Variants in WASF2 observed in about 807,000 individuals in gnomAD.
WASF2 encodes WASP family member 2.
In WASF2, 14 loss-of-function variants were observed where a neutral mutation model predicts 45.0. The ratio of observed to expected loss-of-function variants is 0.31; its 90% CI spans 0.21 to 0.49. WASF2 has a LOEUF of 0.49. Among genes scored for constraint, WASF2 ranks in the 20% least tolerant of loss-of-function variants. WASF2 has a pLI of 0.99. For synonymous variants in WASF2, 200 were observed against 236.3 expected (o/e 0.85, Z 1.41); for missense variants, 439 against 636.1 (o/e 0.69, Z 3.33).
chr1:27,467,644 G>A (rs1361284275), intron 1 of WASF2, among the ~76,000 whole-genome samples: 1 of 150,862 alleles, frequency 6.6e-6, no homozygotes, highest in Non-Finnish European at 1.5e-5. Flanking sequence ...GGGGCGCAGT[G>A]GCTCACACGT....
At chr1:27,486,968 A>G (rs1019918032) in intron 1 of WASF2, among the ~76,000 whole-genome samples, 3 of 147,954 alleles carry the variant, frequency 2.0e-5, no homozygotes, top group African/African-American at 7.4e-5. Context: ...TAGATGATAT[A>G]TATTATATAT....
At chr1:27,425,956 G>A (rs1172487232) in intron 2 of WASF2, among the ~76,000 whole-genome samples, 2 of 151,942 alleles carry the variant, frequency 1.3e-5, no homozygotes, top group Non-Finnish European at 2.9e-5. Flanking sequence ...AGGCTGCAGG[G>A]AGGGACCCGA....
intron 1 of WASF2, among the ~76,000 whole-genome samples, chr1:27,465,201 T>A (rs369870333): frequency 6.6e-6 from 1 of 152,144 alleles, no homozygotes; most frequent in African/African-American, 2.4e-5. Context: ...ACTCCACACA[T>A]GAAAGTTGAG....
chr1:27,410,210 A>C lies in WASF2; in HGVS notation c.825-4T>G, dbSNP rs183313893. On this transcript the variant is annotated splice_polypyrimidine_tract_variant and splice_region_variant and intron_variant, in intron 7 of 8. Coordinates refer to ENST00000618852, the MANE Select transcript of WASF2 (RefSeq NM_006990.5). The surrounding 1 kb of genome is among the most constrained non-coding windows in gnomAD (Gnocchi z 4.2). The stretch of plus-strand genomic sequence containing the variant: ...TCTTTGGTTGTCCACTGGGTAACTA[A>C]AAGGCCAAAGAAAAAAAGACTCACC... 8.7e-6 allele frequency: 14 copies of C among 1,614,060 alleles called. No homozygotes were observed. The highest frequency in any genetic ancestry group is 2.5e-6 in the Non-Finnish European group (3 of 1,179,978).
chr1:27,429,159 C>T (rs2474293), intron 1 of WASF2, among the ~76,000 whole-genome samples: 1 of 146,474 alleles, frequency 6.8e-6, no homozygotes. Flanking sequence ...TTTAGAAATT[C>T]TGGACTTGGT....
At chr1:27,424,410 G>A (rs143436297) in intron 2 of WASF2, among the ~76,000 whole-genome samples, 64 of 152,334 alleles carry the variant, frequency 4.2e-4, no homozygotes, top group African/African-American at 1.4e-3. Context: ...GCACGGAATA[G>A]TGGGAAATAT....
At chr1:27,425,373 C>A (rs2016964336) in intron 2 of WASF2, among the ~76,000 whole-genome samples, 1 of 152,180 alleles carries the variant, frequency 6.6e-6, no homozygotes, top group African/African-American at 2.4e-5. Context: ...CAGGTGTGAG[C>A]CACTATGCCA....
chr1:27,418,447 A>C, intron 3 of WASF2, 25 bp from the exon 4 acceptor site: 1 of 1,614,152 alleles, frequency 6.2e-7, no homozygotes, highest in Non-Finnish European at 8.5e-7. Context: ...AAGGCGTTAG[A>C]AAATGGACGA....
intron 1 of WASF2, among the ~76,000 whole-genome samples, chr1:27,451,629 C>T (rs2017384540): frequency 6.6e-6 from 1 of 151,984 alleles, no homozygotes; most frequent in African/African-American, 2.4e-5. Flanking sequence ...GAATGTACTA[C>T]ATGAGGGAGT....
At chr1:27,422,739 T>C (rs2016926716) in intron 2 of WASF2, among the ~76,000 whole-genome samples, 1 of 151,844 alleles carries the variant, frequency 6.6e-6, no homozygotes, top group African/African-American at 2.4e-5. Context: ...GTGGGGATAA[T>C]ATCTACCCCA....
chr1:27,432,602 C>T (rs898414107), intron 1 of WASF2, among the ~76,000 whole-genome samples: 4 of 134,094 alleles, frequency 3.0e-5, no homozygotes. Flanking sequence ...GAGCCAAGAT[C>T]GCGCCACTGC....
chr1:27,425,838 C>CAAAAAAAAA (rs57916899), intron 2 of WASF2, among the ~76,000 whole-genome samples: 1 of 50,624 alleles, frequency 2.0e-5, no homozygotes, highest in Non-Finnish European at 3.2e-5. Flanking sequence ...GACTCCGTCT[C>CAAAAAAAAA]AAAAAAAAAA....
intron 1 of WASF2, among the ~76,000 whole-genome samples, chr1:27,474,106 T>A (rs139291941): frequency 6.6e-6 from 1 of 152,164 alleles, no homozygotes; most frequent in African/African-American, 2.4e-5. Context: ...ATTTTTTTTC[T>A]CATCAACATT....
chr1:27,445,214 T>G (rs931031181), intron 1 of WASF2, among the ~76,000 whole-genome samples: 1 of 152,184 alleles, frequency 6.6e-6, no homozygotes, highest in African/African-American at 2.4e-5. Flanking sequence ...TTTATTCACA[T>G]TTTCTTGAAT....
intron 2 of WASF2, among the ~76,000 whole-genome samples, chr1:27,425,336 T>C (rs948797745): frequency 6.6e-6 from 1 of 152,198 alleles, no homozygotes; most frequent in African/African-American, 2.4e-5. Context: ...AATACTTGTG[T>C]CTCAGCCTCC....
At chr1:27,465,829 G>C (rs1347559128) in intron 1 of WASF2, among the ~76,000 whole-genome samples, 1 of 152,146 alleles carries the variant, frequency 6.6e-6, no homozygotes, top group African/African-American at 2.4e-5. Context: ...CAGAGCTTAG[G>C]GGAAAGGGCA....
chr1:27,479,821 C>T (rs980880351), intron 1 of WASF2, among the ~76,000 whole-genome samples: 2 of 152,164 alleles, frequency 1.3e-5, no homozygotes, highest in Non-Finnish European at 1.5e-5. Flanking sequence ...GCCAAGATGG[C>T]GCCACTACAT....
chr1:27,472,665 AAAAAAAAAAG>A (rs1248288223), intron 1 of WASF2, among the ~76,000 whole-genome samples: 16 of 146,702 alleles, frequency 1.1e-4, no homozygotes, highest in African/African-American at 4.1e-4. Context: ...AAAAAAAAAA[AAAAAAAAAAG>A]GGGAAATCAG....
chr1:27,428,686 C>T (rs1571131034), intron 2 of WASF2, 75 bp downstream of exon 2: 9 of 1,607,874 alleles, frequency 5.6e-6, no homozygotes, highest in African/African-American at 4.0e-5. Flanking sequence ...AATAGGAACG[C>T]GGGAGGAGAA....
Sources: gnomAD v4.1 joint callset for allele counts (sites outside exome capture counted in the v4.1 genomes callset) on GRCh38, gnomAD v4.1.1 for gene constraint, Gnocchi (gnomAD v3.1) non-coding constraint, MANE v1.5 for transcripts, NCBI Gene and HGNC (gene_info 2026-07-23, HGNC 2026-07-21) for gene names.